The following SETDB1 variants were observed in gnomAD, a reference collection of about 807,000 sequenced individuals.
SETDB1 encodes the protein histone-lysine N-methyltransferase SETDB1.
In SETDB1, 31 loss-of-function variants were observed where a neutral mutation model predicts 137.4. The observed-to-expected ratio is 0.23, with a 90% CI of 0.17 to 0.30. The LOEUF is 0.30. SETDB1 is among the 10% of genes least tolerant of loss of function. SETDB1 has a pLI of 1.00. For missense variants in SETDB1, 1,113 were observed against 1,631.5 expected, an observed-to-expected ratio of 0.68 and a Z score of 5.47; for synonymous variants, 548 against 579.9, an observed-to-expected ratio of 0.95 and a Z score of 0.79.
intron 20 of SETDB1, 82 bp from the exon 21 acceptor site, chr1:150,963,913 T>C: frequency 7.2e-7 from 1 of 1,392,896 alleles, no homozygotes; most frequent in Non-Finnish European, 1.0e-6. Flanking sequence ...GATGGCATCA[T>C]TTTTCTTCCA....
intron 4 of SETDB1, among the ~76,000 whole-genome samples, chr1:150,940,737 C>A (rs1320320261): frequency 1.3e-5 from 2 of 151,976 alleles, no homozygotes; most frequent in Non-Finnish European, 2.9e-5. Context: ...CAGTGGCTCA[C>A]GCCTGTAATC....
chr1:150,940,564 T>C (rs1670105557), intron 4 of SETDB1, among the ~76,000 whole-genome samples: 1 of 147,306 alleles, frequency 6.8e-6, no homozygotes, highest in African/African-American at 2.5e-5. Flanking sequence ...CAAGACTCTG[T>C]CTCAGAAAAA....
At chr1:150,928,360 A>G (rs1005366706) in intron 2 of SETDB1, 17 of 199,520 alleles carry the variant, frequency 8.5e-5, no homozygotes, top group Admixed American at 6.4e-4. Context: ...CTGACCTTAC[A>G]ATCAGCCGTA....
intron 16 of SETDB1, 26 bp from the exon 17 acceptor site, chr1:150,962,104 T>C: frequency 6.2e-7 from 1 of 1,613,838 alleles, no homozygotes; most frequent in African/African-American, 1.3e-5. Context: ...GTGAAAGCAT[T>C]TAACCCTTCA....
At chr1:150,949,976 G>A (rs1238725432) in intron 12 of SETDB1, among the ~76,000 whole-genome samples, 4 of 151,972 alleles carry the variant, frequency 2.6e-5, no homozygotes, top group African/African-American at 9.7e-5. Flanking sequence ...GCTCATGCCT[G>A]TAATCCCAGC....
chr1:150,953,828 C>CA (rs1003982884), intron 14 of SETDB1, among the ~76,000 whole-genome samples: 4 of 149,950 alleles, frequency 2.7e-5, no homozygotes, highest in Non-Finnish European at 5.9e-5. Context: ...GACTCCGTCT[C>CA]AAAAAAAATG....
At chr1:150,959,109 AT>A in intron 14 of SETDB1, 68 bp from the exon 15 acceptor site, 1 of 1,110,106 alleles carries the variant, frequency 9.0e-7, no homozygotes, top group South Asian at 1.8e-5. Context: ...AAGAATTATA[AT>A]AGTTTTATGG....
At chr1:150,930,234 T>G in intron 3 of SETDB1, 116 bp downstream of exon 3, 2 of 914,022 alleles carry the variant, frequency 2.2e-6, no homozygotes, top group Non-Finnish European at 3.3e-6. Flanking sequence ...TCCATATTTC[T>G]AACTGCCTGA....
At chr1:150,963,804 C>A (rs74681459) in intron 20 of SETDB1, 63 bp downstream of exon 20, 1 of 1,511,214 alleles carries the variant, frequency 6.6e-7, no homozygotes, top group Non-Finnish European at 9.2e-7. Context: ...TTTCTTTTAA[C>A]ATACTCTATA....
intron 14 of SETDB1, among the ~76,000 whole-genome samples, chr1:150,955,224 A>ACAT (rs1670604736): frequency 6.6e-6 from 1 of 152,254 alleles, no homozygotes; most frequent in African/African-American, 2.4e-5. Flanking sequence ...GCTGGGTGGT[A>ACAT]CATGAGTGTT....
chr1:150,946,779 C>A, intron 9 of SETDB1, 107 bp from the exon 10 acceptor site: 1 of 1,330,794 alleles, frequency 7.5e-7, no homozygotes, highest in Non-Finnish European at 1.1e-6. Context: ...TAAGGCTCAT[C>A]AGGGAGGATT....
chr1:150,938,056 A>G, intron 3 of SETDB1, among the ~76,000 whole-genome samples: 1 of 152,088 alleles, frequency 6.6e-6, no homozygotes, highest in Non-Finnish European at 1.5e-5. Flanking sequence ...GGCTGTCTCT[A>G]CTAAAAATAC....
chr1:150,949,083 C>T, intron 10 of SETDB1, 39 bp from the exon 11 acceptor site: 7 of 1,583,136 alleles, frequency 4.4e-6, no homozygotes, highest in Non-Finnish European at 5.2e-6. Flanking sequence ...AGCGTCATAG[C>T]TATCATCTTC....
intron 14 of SETDB1, among the ~76,000 whole-genome samples, chr1:150,958,685 C>T (rs143500374): frequency 5.3e-5 from 8 of 152,126 alleles, no homozygotes; most frequent in East Asian, 1.9e-4. Context: ...TATTCCCTTT[C>T]GTATCTGTTA....
chr1:150,930,143 G>T, intron 3 of SETDB1, 25 bp downstream of exon 3: 1 of 1,597,736 alleles, frequency 6.3e-7, no homozygotes, highest in East Asian at 2.2e-5. Context: ...TTGGATAGGA[G>T]AGTCTCAGGA....
intron 5 of SETDB1, among the ~76,000 whole-genome samples, chr1:150,942,206 C>T (rs587636251): frequency 7.7e-4 from 116 of 151,584 alleles, no homozygotes; most frequent in South Asian, 1.5e-3. Context: ...TTTGGGAGAC[C>T]GAGGCAGGCG....
At position 150,927,883 on chromosome 1, in the gene SETDB1, C is replaced by T. The variant is rs1172601041; in HGVS notation, c.169C>T (p.Arg57Cys). 1.2e-6 allele frequency: 2 copies of T among 1,614,138 alleles called. No individual in the cohort carries two copies. The highest frequency in any genetic ancestry group is 1.7e-6 in the Non-Finnish European group (2 of 1,180,036). Residue 57 changes from arginine (R) to cysteine (C), a missense_variant, in exon 2 of 22, where the codon CGC (arginine) becomes TGC (cysteine). Coordinates refer to ENST00000692827, the MANE Select transcript of SETDB1 (RefSeq NM_001366418.1). Reference sequence around the variant, plus strand: ...GGAGAAGATGGATTGTGTACAGCAACGCAAGAAGCAGCTAGCAGAGTTAGA... The same window carrying T: ...GGAGAAGATGGATTGTGTACAGCAATGCAAGAAGCAGCTAGCAGAGTTAGA... ...ELEKMDCVQQ[R>C]KKQLAELETW...
At chr1:150,929,927 C>A in intron 2 of SETDB1, 40 bp from the exon 3 acceptor site, 5 of 1,578,558 alleles carry the variant, frequency 3.2e-6, no homozygotes, top group Non-Finnish European at 4.3e-6. Flanking sequence ...CTTAATTCCT[C>A]TACTGGCTTT....
rs926128576 is a variant in SETDB1, at chr1:150,931,578, A to G, written c.412+1460A>G. Among the ~76,000 whole-genome samples the G allele has an allele frequency of 8.1e-4, 122 of 150,136 alleles. 1 individual carries two copies. The highest frequency in any genetic ancestry group is 2.9e-3 in the African/African-American group (120 of 41,258). ...TATACATATGTAACTAACCTGCACA[A>G]TGTGCACATGTACCCTAAAACTTAA... On this transcript the variant is annotated intron_variant, in intron 3 of 21. Transcript: ENST00000692827.
Sources: gnomAD v4.1 joint callset for allele counts (sites outside exome capture counted in the v4.1 genomes callset) on GRCh38, gnomAD v4.1.1 for gene constraint, MANE v1.5 for transcripts, NCBI Gene and HGNC (gene_info 2026-07-23, HGNC 2026-07-21) for gene names.